Variants in BAIAP2L2 observed in about 807,000 individuals in gnomAD.
BAIAP2L2 encodes the protein BAR/IMD domain-containing adapter protein 2-like 2.
Under a neutral mutation model 60.4 loss-of-function variants are expected in BAIAP2L2, and 65 were observed. The observed-to-expected ratio is 1.08, with a 90% CI of 0.88 to 1.32. The LOEUF is 1.32. Ranked by LOEUF, BAIAP2L2 falls within the 40% of genes most tolerant of loss-of-function variation. BAIAP2L2 has a pLI of 0.00. For synonymous variants in BAIAP2L2, 344 were observed against 301.7 expected (o/e 1.14, Z -1.45); for missense variants, 836 against 741.2 (o/e 1.13, Z -1.48).
intron 4 of BAIAP2L2, among the ~76,000 whole-genome samples, chr22:38,099,827 T>C (rs2081688036): frequency 6.6e-6 from 1 of 152,216 alleles, no homozygotes; most frequent in African/African-American, 2.4e-5. Flanking sequence ...CAGTGGGTCC[T>C]TCCTCCTGCT....
intron 9 of BAIAP2L2, 42 bp downstream of exon 9, chr22:38,089,051 GCGC>G (rs1569218272): frequency 6.7e-5 from 93 of 1,395,076 alleles, no homozygotes; most frequent in Non-Finnish European, 7.9e-5. Flanking sequence ...CCCCACCCCC[GCGC>G]CTCTCCCGGC....
At chr22:38,106,790 C>A in intron 4 of BAIAP2L2, among the ~76,000 whole-genome samples, 1 of 152,226 alleles carries the variant, frequency 6.6e-6, no homozygotes, top group East Asian at 1.9e-4. Flanking sequence ...CTGCCATGCT[C>A]CCTTGGAAAG....
Position 38,107,911 on chromosome 22 carries a change from C to G in BAIAP2L2, c.217G>C (p.Glu73Gln), listed in dbSNP as rs1161857867. The G allele has an allele frequency of 2.5e-6, 4 of 1,613,338 alleles. No homozygotes were observed. Among genetic ancestry groups the G allele is most frequent in the East Asian group, 4.5e-5 (2 of 44,880 alleles). Residue 73 changes from glutamate (E) to glutamine (Q), a missense_variant and splice_region_variant, in exon 4 of 14, where the codon GAG (glutamate) becomes CAG (glutamine). Glu to Gln is a conservative substitution (Grantham distance 29). Transcript: ENST00000381669. ...LQSPTSQILGEILVQMSDTQR... is the reference protein window; with the variant it reads ...LQSPTSQILGQILVQMSDTQR... ...GTGTCAGACATCTGCACCAAGATCTCCCCTGGAGGCATGGATGCAGCTGTG... is the reference window on the plus strand; with the variant it reads ...GTGTCAGACATCTGCACCAAGATCTGCCCTGGAGGCATGGATGCAGCTGTG...
At chr22:38,101,307 A>C (rs1040815329) in intron 4 of BAIAP2L2, among the ~76,000 whole-genome samples, 5 of 136,880 alleles carry the variant, frequency 3.7e-5, no homozygotes, top group African/African-American at 1.4e-4. Flanking sequence ...CTGAGGTGGG[A>C]GGATTGCTCG....
chr22:38,092,606 A>G (rs2086331916), intron 7 of BAIAP2L2, among the ~76,000 whole-genome samples: 1 of 152,162 alleles, frequency 6.6e-6, no homozygotes, highest in Non-Finnish European at 1.5e-5. Flanking sequence ...TAAATAGAAC[A>G]AGAAGTAAAT....
intron 4 of BAIAP2L2, among the ~76,000 whole-genome samples, chr22:38,102,475 GGAA>G (rs2086586871): frequency 1.3e-5 from 2 of 152,070 alleles, no homozygotes; most frequent in Admixed American, 1.3e-4. Flanking sequence ...TACAATTTCA[GGAA>G]AAAACCTACT....
At chr22:38,107,810 TTCC>T (rs1194858598) in intron 4 of BAIAP2L2, 39 bp downstream of exon 4, 1 of 1,586,690 alleles carries the variant, frequency 6.3e-7, no homozygotes, top group Non-Finnish European at 8.6e-7. Flanking sequence ...ATAGCCCACT[TTCC>T]TCGAGTGACC....
At position 38,110,571 on chromosome 22, in the gene BAIAP2L2, G is replaced by A. The variant is rs977139460; in HGVS notation, c.-46C>T. On this transcript the variant is annotated 5_prime_UTR_variant, in exon 1 of 14. Transcript: ENST00000381669. ...GAGCAGGAGGCTGGGAGCTGGTGGC[G>A]ATGGCACAGCCGGGAGCAGTGGTAG... 29 of 1,543,078 alleles carry A rather than the reference G, an allele frequency of 1.9e-5. No homozygotes were observed. Among genetic ancestry groups the A allele is most frequent in the Middle Eastern group, 3.6e-4 (2 of 5,512 alleles).
chr22:38,092,473 C>T (rs1490604568), intron 7 of BAIAP2L2, among the ~76,000 whole-genome samples: 1 of 152,064 alleles, frequency 6.6e-6, no homozygotes, highest in Non-Finnish European at 1.5e-5. Context: ...GACGGGGTTT[C>T]ACCATGTTGG....
chr22:38,098,013 GT>G, intron 6 of BAIAP2L2, 49 bp downstream of exon 6: 3 of 787,476 alleles, frequency 3.8e-6, no homozygotes, highest in Non-Finnish European at 6.0e-6. Flanking sequence ...TCGCCCCGAG[GT>G]CTGCCCACCC....
intron 7 of BAIAP2L2, among the ~76,000 whole-genome samples, chr22:38,092,515 G>A (rs192931765): frequency 1.3e-3 from 197 of 152,226 alleles, no homozygotes; most frequent in Admixed American, 2.7e-3. Flanking sequence ...GATCTCAGGT[G>A]ATCCACCCAC....
intron 4 of BAIAP2L2, among the ~76,000 whole-genome samples, chr22:38,102,671 C>G (rs972214308): frequency 6.6e-6 from 1 of 152,096 alleles, no homozygotes; most frequent in African/African-American, 2.4e-5. Context: ...GATGGGAGGA[C>G]TGCTTGAGGC....
intron 8 of BAIAP2L2, 96 bp downstream of exon 8, chr22:38,089,425 TG>T (rs1185376197): frequency 9.6e-6 from 6 of 623,554 alleles, no homozygotes; most frequent in African/African-American, 2.3e-5. Context: ...AGCGGGAGCC[TG>T]GGGGGCAGGA....
chr22:38,109,819 C>T (rs1310157663), intron 1 of BAIAP2L2, among the ~76,000 whole-genome samples: 1 of 151,924 alleles, frequency 6.6e-6, no homozygotes, highest in Admixed American at 6.6e-5. Context: ...CCTCTTCCTC[C>T]CTCCGTGACC....
At position 38,086,245 on chromosome 22, in the gene BAIAP2L2, G is replaced by C. The variant is rs200155645; in HGVS notation, c.1464C>G (p.Val488=). The part of the protein sequence containing the change: ...SMGSTAVATD[V]KKLMSSEQYP... ...GAGAGGGCGGGCAAGGGCTCACCTT[G>C]ACGTCAGTGGCAACTGCTGTGCTGC... Residue 488 remains valine, a synonymous_variant, in exon 12 of 14, where the codon GTC becomes GTG. Transcript: ENST00000381669. 6.2e-7 allele frequency: 1 copy of C among 1,611,008 alleles called. No individual in the cohort carries two copies. Among genetic ancestry groups the C allele is most frequent in the Non-Finnish European group, 8.5e-7 (1 of 1,179,590 alleles).
chr22:38,085,204 T>C lies in BAIAP2L2; in HGVS notation c.*96A>G, dbSNP rs2086018961. 2.2e-6 allele frequency: 3 copies of C among 1,380,064 alleles called. No individual in the cohort carries two copies. In the Middle Eastern group the frequency reaches 6.3e-4, roughly 290 times the overall value. 85.5% of individuals were successfully genotyped at this position (1,380,064 alleles called of 1,614,324 possible). On this transcript the variant is annotated 3_prime_UTR_variant, in exon 14 of 14. Coordinates refer to ENST00000381669, the MANE Select transcript of BAIAP2L2 (RefSeq NM_025045.6). Reference sequence around the variant, plus strand: ...GCCACCCCCCGTCTCAGGGACCCGCTTCTTGGATCTGCTGCTGTTGCTGCT... The same window carrying C: ...GCCACCCCCCGTCTCAGGGACCCGCCTCTTGGATCTGCTGCTGTTGCTGCT...
intron 7 of BAIAP2L2, among the ~76,000 whole-genome samples, chr22:38,093,557 AAG>A (rs2086358014): frequency 2.0e-5 from 3 of 152,356 alleles, no homozygotes; most frequent in African/African-American, 2.4e-5. Flanking sequence ...ACAGGTGAAA[AAG>A]AGTTTCCTTC....
At chr22:38,089,822 C>A (rs1295104764) in intron 7 of BAIAP2L2, 148 bp from the exon 8 acceptor site, 2 of 776,302 alleles carry the variant, frequency 2.6e-6, no homozygotes, top group Non-Finnish European at 3.5e-6. Flanking sequence ...GAAGCCAGCT[C>A]ACCGTCCAAC....
In BAIAP2L2 at chr22:38,089,144, A is replaced by C. The variant is rs1763314647; in HGVS notation, c.853T>G (p.Ser285Ala). ...GAGCGACGGTCTGGCTCTAGCTGGGACGCGGGCCTCGCGTCGGGCTCGGTG... is the reference window on the plus strand; with the variant it reads ...GAGCGACGGTCTGGCTCTAGCTGGGCCGCGGGCCTCGCGTCGGGCTCGGTG... ...YGTEPDARPA[S>A]QLEPDRRSLP... The change falls in exon 9 of 14, where the codon TCC (serine) becomes GCC (alanine). Residue 285 changes from serine (S) to alanine (A), a missense_variant. Transcript: ENST00000381669. 3.7e-6 allele frequency: 5 copies of C among 1,339,934 alleles called. No individual in the cohort carries two copies. Among genetic ancestry groups the C allele is most frequent in the Admixed American group, 4.0e-5 (1 of 25,090 alleles). The allele number at this position is 1,339,934 out of a possible 1,614,324, so 83.0% of individuals were successfully genotyped here.
Sources: allele counts gnomAD v4.1 joint callset (sites outside exome capture counted in the v4.1 genomes callset), GRCh38; gene constraint gnomAD v4.1.1; transcripts MANE v1.5; gene names NCBI Gene and HGNC (gene_info 2026-07-23, HGNC 2026-07-21).